Variants in STPG2 observed in about 807,000 individuals in gnomAD.
STPG2 encodes sperm-tail PG-rich repeat-containing protein 2.
A neutral mutation model predicts 54.2 loss-of-function variants in STPG2; 56 were observed. The observed-to-expected ratio is 1.03, with a 90% CI of 0.83 to 1.29. The LOEUF is 1.29. STPG2 is among the 50% of genes most tolerant of loss of function. The pLI is 0.00. For missense variants in STPG2, 596 were observed against 544.9 expected, an observed-to-expected ratio of 1.09 and a Z score of -0.93; for synonymous variants, 200 against 181.8, an observed-to-expected ratio of 1.10 and a Z score of -0.81.
At chr4:98,079,893 C>G (rs190300147) in intron 5 of STPG2, among the ~76,000 whole-genome samples, 118 of 152,046 alleles carry the variant, frequency 7.8e-4, no homozygotes, top group African/African-American at 2.6e-3. Context: ...AAAGAATATT[C>G]ACTTAGAGAT....
At chr4:97,505,488 C>T (rs1019071418) in intron 4 of STPG2, among the ~76,000 whole-genome samples, 1 of 151,824 alleles carries the variant, frequency 6.6e-6, no homozygotes, top group Non-Finnish European at 1.5e-5. Context: ...GACTCAGATA[C>T]AAACAGGAGT....
At chr4:97,784,538 A>C (rs184632653) in intron 9 of STPG2, among the ~76,000 whole-genome samples, 261 of 152,188 alleles carry the variant, frequency 1.7e-3, no homozygotes, top group African/African-American at 5.9e-3. Flanking sequence ...TCATTTCTGA[A>C]TATTTTTTGT....
chr4:97,615,809 G>A (rs1262639033), intron 10 of STPG2, among the ~76,000 whole-genome samples: 1 of 151,156 alleles, frequency 6.6e-6, no homozygotes, highest in Admixed American at 6.6e-5. Flanking sequence ...GGCCGAGACA[G>A]GTGATCACTT....
chr4:97,772,331 T>C (rs560274613), intron 9 of STPG2, among the ~76,000 whole-genome samples: 1 of 152,342 alleles, frequency 6.6e-6, no homozygotes, highest in African/African-American at 2.4e-5. Flanking sequence ...AATTGTATGT[T>C]TATTGTTGCA....
intron 9 of STPG2, among the ~76,000 whole-genome samples, chr4:97,823,891 C>T (rs567661496): frequency 6.6e-6 from 1 of 152,246 alleles, no homozygotes; most frequent in East Asian, 1.9e-4. Flanking sequence ...GGACACTTGA[C>T]TGAACCTGGG....
At chr4:97,717,337 A>T (rs1386941939) in intron 9 of STPG2, among the ~76,000 whole-genome samples, 1 of 152,202 alleles carries the variant, frequency 6.6e-6, no homozygotes, top group Non-Finnish European at 1.5e-5. Context: ...GTTATTACAG[A>T]GTATCTGGAA....
At chr4:97,839,079 G>T (rs899238072) in intron 9 of STPG2, among the ~76,000 whole-genome samples, 12 of 151,510 alleles carry the variant, frequency 7.9e-5, no homozygotes, top group East Asian at 1.9e-4. Context: ...TCTTCCAAAT[G>T]AATACATTTC....
intron 5 of STPG2, among the ~76,000 whole-genome samples, chr4:98,003,416 C>T (rs183404847): frequency 9.9e-5 from 15 of 150,826 alleles, no homozygotes; most frequent in East Asian, 7.8e-4. Flanking sequence ...TCTCCAAAGA[C>T]GAAAAAAACA....
intron 10 of STPG2, among the ~76,000 whole-genome samples, chr4:97,566,053 G>A (rs1048200481): frequency 1.3e-5 from 2 of 152,214 alleles, no homozygotes; most frequent in African/African-American, 2.4e-5. Context: ...AGCCTACAGA[G>A]ACAGGCAGGC....
chr4:97,563,121 C>A (rs536413315), intron 10 of STPG2, among the ~76,000 whole-genome samples: 1 of 152,206 alleles, frequency 6.6e-6, no homozygotes, highest in South Asian at 2.1e-4. Flanking sequence ...AATTTCAGAA[C>A]CTGTTATTGG....
intron 9 of STPG2, among the ~76,000 whole-genome samples, chr4:97,804,086 C>T (rs958271667): frequency 2.6e-5 from 4 of 152,140 alleles, no homozygotes; most frequent in Admixed American, 2.0e-4. Context: ...AAAATCCAAA[C>T]GTTTTTATTT....
chr4:97,650,531 C>G (rs1645109340), intron 10 of STPG2, among the ~76,000 whole-genome samples: 1 of 152,076 alleles, frequency 6.6e-6, no homozygotes, highest in South Asian at 2.1e-4. Flanking sequence ...TAAACATTCT[C>G]TAGTTGACAA....
chr4:97,509,552 G>A (rs1170910667), intron 4 of STPG2, among the ~76,000 whole-genome samples: 1 of 151,990 alleles, frequency 6.6e-6, no homozygotes, highest in Non-Finnish European at 1.5e-5. Context: ...GCTTAATGAG[G>A]ATTTGTGGTA....
intron 10 of STPG2, among the ~76,000 whole-genome samples, chr4:97,703,412 T>C (rs995826090): frequency 7.3e-4 from 105 of 144,044 alleles, no homozygotes; most frequent in Middle Eastern, 7.3e-3. Context: ...TATCCTATTA[T>C]ATATATATAC....
At chr4:97,901,841 T>A (rs1420237317) in intron 8 of STPG2, among the ~76,000 whole-genome samples, 1 of 151,542 alleles carries the variant, frequency 6.6e-6, no homozygotes, top group African/African-American at 2.4e-5. Flanking sequence ...CACAAAAGAC[T>A]CCAAATAACT....
At chr4:97,867,970 A>G (rs543378420) in intron 8 of STPG2, among the ~76,000 whole-genome samples, 1 of 152,146 alleles carries the variant, frequency 6.6e-6, no homozygotes, top group Admixed American at 6.6e-5. Flanking sequence ...CCCAAACAAA[A>G]TTAGGGGTTT....
At chr4:97,769,685 T>A (rs1374173754) in intron 9 of STPG2, among the ~76,000 whole-genome samples, 1 of 152,088 alleles carries the variant, frequency 6.6e-6, no homozygotes, top group Non-Finnish European at 1.5e-5. Context: ...GAGTTTCTCA[T>A]GCATATATGA....
intron 5 of STPG2, among the ~76,000 whole-genome samples, chr4:98,006,892 T>C (rs1015339516): frequency 6.6e-6 from 1 of 152,144 alleles, no homozygotes; most frequent in Non-Finnish European, 1.5e-5. Flanking sequence ...ATTTGGGCCA[T>C]CCTTCCCTTC....
chr4:98,067,534 A>G (rs1737871355), intron 5 of STPG2, among the ~76,000 whole-genome samples: 1 of 152,226 alleles, frequency 6.6e-6, no homozygotes, highest in South Asian at 2.1e-4. Context: ...ATGTCTTAAC[A>G]GGCTTTCAGA....
Sources: gnomAD v4.1 joint callset for allele counts (sites outside exome capture counted in the v4.1 genomes callset) on GRCh38, gnomAD v4.1.1 for gene constraint, MANE v1.5 for transcripts, NCBI Gene and HGNC (gene_info 2026-07-23, HGNC 2026-07-21) for gene names.